Variants in MCM7 observed in about 807,000 individuals in gnomAD.
MCM7 encodes the protein DNA replication licensing factor MCM7.
Under a neutral mutation model 83.5 loss-of-function variants are expected in MCM7, and 95 were observed. That is an observed-to-expected ratio of 1.14 (90% confidence interval 0.96 to 1.35). The LOEUF (loss-of-function observed/expected upper bound fraction) is 1.35, where lower values mean the gene tolerates loss of function less well. Among genes scored for constraint, MCM7 ranks in the 40% most tolerant of loss-of-function variants. The pLI is 0.00. For synonymous variants in MCM7, 461 were observed against 352.7 expected (o/e 1.31, Z -3.44); for missense variants, 1,087 against 957.4 (o/e 1.14, Z -1.79).
chr7:100,094,110 A>C (rs368208852), intron 13 of MCM7, 63 bp downstream of exon 13: 31 of 1,601,146 alleles, frequency 1.9e-5, no homozygotes, highest in Non-Finnish European at 2.5e-5. Context: ...CAATGAGAGC[A>C]CGGTAAGGAG....
chr7:100,099,866 G>A lies in MCM7; in HGVS notation c.112-113C>T, dbSNP rs569726532. 185 of 1,472,992 alleles carry A rather than the reference G, an allele frequency of 1.3e-4. No individual in the cohort carries two copies. In the African/African-American group the frequency reaches 2.1e-3, roughly 17 times the overall value. 91.2% of individuals were successfully genotyped at this position (1,472,992 alleles called of 1,614,324 possible). A position where few individuals can be genotyped will look rare whatever the true frequency, so the allele number is the denominator to read the frequency against. Reference sequence around the variant, plus strand: ...CAGCACAGGCTCTGGGCATCCACAGGGGAGAACGCAGCGCCACACAGAGCG... The same window carrying A: ...CAGCACAGGCTCTGGGCATCCACAGAGGAGAACGCAGCGCCACACAGAGCG... On this transcript the variant is annotated intron_variant, in intron 2 of 14. Coordinates refer to ENST00000303887, the MANE Select transcript of MCM7 (RefSeq NM_005916.5).
intron 12 of MCM7, 42 bp from the exon 13 acceptor site, chr7:100,094,383 G>A (rs766508947): frequency 9.9e-6 from 16 of 1,610,366 alleles, no homozygotes; most frequent in Non-Finnish European, 1.4e-5. Context: ...AGGGAGATGG[G>A]GAAGGGAGTG....
chr7:100,096,813 A>T (rs994700723), intron 10 of MCM7, among the ~76,000 whole-genome samples: 1 of 150,436 alleles, frequency 6.6e-6, no homozygotes, highest in African/African-American at 2.5e-5. Context: ...AACAAAAAAA[A>T]CTTTTTAGGC....
In MCM7 at chr7:100,097,645, C is replaced by G; in HGVS notation, c.1086G>C (p.Val362=). 7 of 1,614,128 alleles carry G rather than the reference C, an allele frequency of 4.3e-6. No homozygotes were observed. Among genetic ancestry groups the G allele is most frequent in the Non-Finnish European group, 5.9e-6 (7 of 1,180,038 alleles). The part of the protein sequence containing the change: ...KALLLLLVGG[V]DQSPRGMKIR... Reference sequence around the variant, plus strand: ...TTTTCATGCCTCGAGGAGACTGGTCCACACCCCCGACTAGCAGGAGCAGCA... The same window carrying G: ...TTTTCATGCCTCGAGGAGACTGGTCGACACCCCCGACTAGCAGGAGCAGCA... The change falls in exon 9 of 15, where the codon GTG becomes GTC. Residue 362 remains valine, a synonymous_variant. Coordinates refer to ENST00000303887, the MANE Select transcript of MCM7 (RefSeq NM_005916.5).
chr7:100,098,080 G>C, intron 7 of MCM7, 61 bp downstream of exon 7: 1 of 1,592,046 alleles, frequency 6.3e-7, no homozygotes. Context: ...CTCTGTGTGG[G>C]TAGAATGAGT....
chr7:100,100,915 C>A (rs1795978106), intron 1 of MCM7: 4 of 1,054,842 alleles, frequency 3.8e-6, no homozygotes, highest in South Asian at 3.6e-5. Flanking sequence ...CCCAAAAGCG[C>A]GAAGGAAAGC....
rs774020901 is a variant in MCM7 at position 100,099,165 on chromosome 7, C to T, written c.440G>A (p.Arg147His). ...YFQGPSSNKP[R>H]VIREVRADSV... ...GTCAGCCCGCACTTCCCGGATCACA[C>T]GAGGCTTGTTGCTGCTAGGGCCTTG... Residue 147 changes from arginine to histidine, a missense_variant, in exon 5 of 15, where the codon CGT becomes CAT. Arg to His is a conservative substitution (Grantham distance 29). Coordinates refer to ENST00000303887, the MANE Select transcript of MCM7 (RefSeq NM_005916.5). 2 of 1,614,084 alleles carry T rather than the reference C, an allele frequency of 1.2e-6. No homozygotes were observed. The highest frequency in any genetic ancestry group is 1.7e-6 in the Non-Finnish European group (2 of 1,180,028).
At position 100,097,649 on chromosome 7, in the gene MCM7, C is replaced by T. The variant is rs779905639; in HGVS notation, c.1082G>A (p.Gly361Asp). The change falls in exon 9 of 15, where the codon GGT becomes GAT. Residue 361 changes from glycine to aspartate, a missense_variant. Physicochemically the swap from Gly to Asp is moderately conservative, Grantham distance 94. Coordinates refer to ENST00000303887, the MANE Select transcript of MCM7 (RefSeq NM_005916.5). ...CATGCCTCGAGGAGACTGGTCCACA[C>T]CCCCGACTAGCAGGAGCAGCAGTGC... is the stretch of plus-strand genomic sequence containing the variant. ...KKALLLLLVG[G>D]VDQSPRGMKI... The T allele has an allele frequency of 8.7e-6, 14 of 1,614,144 alleles. No individual in the cohort carries two copies. The highest frequency in any genetic ancestry group is 6.7e-5 in the Admixed American group (4 of 60,022).
In MCM7 at chr7:100,099,322, G is replaced by C. The variant is rs779455612; in HGVS notation, c.358C>G (p.Arg120Gly). The C allele has an allele frequency of 3.1e-6, 5 of 1,613,564 alleles. No individual in the cohort carries two copies. Among genetic ancestry groups the C allele is most frequent in the South Asian group, 2.2e-5 (2 of 91,056 alleles). The change falls in exon 4 of 15, where the codon CGA (arginine) becomes GGA (glycine). Residue 120 changes from arginine (R) to glycine (G), a missense_variant. Coordinates refer to ENST00000303887, the MANE Select transcript of MCM7 (RefSeq NM_005916.5). ...EQRSRDPGMV[R>G]SPQNQYPAEL... ...GCAGGGTACTGGTTCTGGGGGCTTC[G>C]GACCATCCCAGGGTCCCGACTCCGC...
intron 1 of MCM7, chr7:100,100,664 G>C (rs1795942890): frequency 9.1e-6 from 9 of 990,058 alleles, no homozygotes; most frequent in Non-Finnish European, 1.1e-5. Flanking sequence ...CGCCTTTCCC[G>C]GGCCCGAGCG....
In MCM7 at chr7:100,093,133, C is replaced by T. The variant is rs1270206426; in HGVS notation, c.1959G>A (p.Arg653=). Residue 653 remains arginine, a splice_region_variant and synonymous_variant, in exon 15 of 15, where the codon AGG becomes AGA. Coordinates refer to ENST00000303887, the MANE Select transcript of MCM7 (RefSeq NM_005916.5). ...ATATCACATCTGCTGGTCTCTGAGT[C>T]CTGAAGGAAATGAGTGGGTGTGTAA... is the stretch of plus-strand genomic sequence containing the variant. ...SLLGDKGQTA[R]TQRPADVIFA... 6.2e-7 allele frequency: 1 copy of T among 1,613,586 alleles called. No individual in the cohort carries two copies. Among genetic ancestry groups the T allele is most frequent in the East Asian group, 2.2e-5 (1 of 44,876 alleles).
chr7:100,094,234 T>C lies in MCM7; in HGVS notation c.1787A>G (p.Lys596Arg). The C allele has an allele frequency of 6.2e-7, 1 of 1,614,216 alleles. No homozygotes were observed. The highest frequency in any genetic ancestry group is 1.6e-4 in the Middle Eastern group (1 of 6,062). Residue 596 changes from lysine to arginine, a missense_variant, in exon 13 of 15, where the codon AAG becomes AGG. Coordinates refer to ENST00000303887, the MANE Select transcript of MCM7 (RefSeq NM_005916.5). ...VEMRREAWAS[K>R]DATYTSARTL... ...CCGGGCAGAAGTATAGGTGGCATCC[T>C]TACTAGCCCAAGCCTCTCGCCTCAT...
intron 1 of MCM7, 37 bp from the exon 2 acceptor site, chr7:100,100,130 T>C: frequency 2.5e-6 from 4 of 1,608,278 alleles, no homozygotes; most frequent in Non-Finnish European, 3.4e-6. Context: ...GACACAAACT[T>C]TAAGACAAAT....
At chr7:100,098,068 T>C in intron 7 of MCM7, 73 bp downstream of exon 7, 2 of 1,591,474 alleles carry the variant, frequency 1.3e-6, no homozygotes, top group Non-Finnish European at 8.6e-7. Context: ...TGCTGCTCTT[T>C]TCTCTGTGTG....
Position 100,097,655 on chromosome 7 carries a change from AC to A in MCM7, c.1075del (p.Val359SerfsTer11). On this transcript the variant is annotated frameshift_variant, in exon 9 of 15. Transcript: ENST00000303887. LOFTEE classifies it high-confidence loss of function. ...TCGAGGAGACTGGTCCACACCCCCG[AC>A]TAGCAGGAGCAGCAGTGCCTTCTTC... ...DVKKALLLLLVGGVDQSPRGM... is the reference protein window; with the variant it reads ...DVKKALLLLLXGGVDQSPRGM... 3 of 1,614,106 alleles carry A rather than the reference AC, an allele frequency of 1.9e-6. No individual in the cohort carries two copies. The South Asian group carries it at 3.3e-5, about 18-fold the overall frequency.
In MCM7 at chr7:100,099,278, C is replaced by T. The variant is rs112607868; in HGVS notation, c.401+1G>A. The T allele has an allele frequency of 5.0e-6, 8 of 1,614,068 alleles. No homozygotes were observed. The highest frequency in any genetic ancestry group is 5.9e-6 in the Non-Finnish European group (7 of 1,180,040). ...CATCTTTCCCGACAGAGACCACTCA[C>T]AATCTGCGCATGAGTTCAGCAGGGT... is the stretch of plus-strand genomic sequence containing the variant. On this transcript the variant is annotated splice_donor_variant, in intron 4 of 14. Coordinates refer to ENST00000303887, the MANE Select transcript of MCM7 (RefSeq NM_005916.5). LOFTEE classifies it high-confidence loss of function.
chr7:100,095,651 C>T (rs2116565566), intron 11 of MCM7, 123 bp downstream of exon 11: 2 of 1,392,272 alleles, frequency 1.4e-6, no homozygotes, highest in Non-Finnish European at 1.9e-6. Flanking sequence ...TGGACCAGCC[C>T]CTGCTGCAAA....
chr7:100,092,823 G>C lies in MCM7; in HGVS notation c.*109C>G. 8.8e-7 allele frequency: 1 copy of C among 1,137,252 alleles called. No homozygotes were observed. Among genetic ancestry groups the C allele is most frequent in the Non-Finnish European group, 1.3e-6 (1 of 766,190 alleles). 70.4% of individuals were successfully genotyped at this position (1,137,252 alleles called of 1,614,324 possible). On this transcript the variant is annotated 3_prime_UTR_variant, in exon 15 of 15. Transcript: ENST00000303887. ...TTTATTAGCAAAAGGAGTAAGTGCAGCATGGGAGAAAGAGGGGCTCCTCCT... is the reference window on the plus strand; with the variant it reads ...TTTATTAGCAAAAGGAGTAAGTGCACCATGGGAGAAAGAGGGGCTCCTCCT...
intron 13 of MCM7, chr7:100,093,824 C>T (rs761414978): frequency 3.5e-5 from 22 of 626,490 alleles, no homozygotes; most frequent in Non-Finnish European, 5.6e-5. Context: ...ACTACCTGCA[C>T]GAACAGCACT....
Sources: gnomAD v4.1 joint callset for allele counts (sites outside exome capture counted in the v4.1 genomes callset) on GRCh38, gnomAD v4.1.1 for gene constraint, MANE v1.5 for transcripts, NCBI Gene and HGNC (gene_info 2026-07-23, HGNC 2026-07-21) for gene names.